RSU1: variants seen among roughly 807,000 people sequenced by gnomAD.
RSU1 encodes the protein Ras suppressor protein 1.
A neutral mutation model predicts 31.1 loss-of-function variants in RSU1; 26 were observed. That is an observed-to-expected ratio of 0.84 (90% CI 0.61 to 1.16). The LOEUF (loss-of-function observed/expected upper bound fraction) is 1.16, where lower values mean the gene tolerates loss of function less well. Ranked by LOEUF, RSU1 falls within the 50% of genes most tolerant of loss-of-function variation. The pLI is 0.00. For missense variants in RSU1, 320 were observed against 339.1 expected, an observed-to-expected ratio of 0.94 and a Z score of 0.44; for synonymous variants, 164 against 136.3, an observed-to-expected ratio of 1.20 and a Z score of -1.41.
intron 4 of RSU1, among the ~76,000 whole-genome samples, chr10:16,759,439 A>G (rs1362493386): frequency 6.6e-6 from 1 of 152,190 alleles, no homozygotes; most frequent in Non-Finnish European, 1.5e-5. Context: ...CCCAGGAGGC[A>G]TAGGTTGCAG....
chr10:16,593,266 AAG>A lies in RSU1; in HGVS notation c.*126_*127del, dbSNP rs1833542182. Reference sequence around the variant, plus strand: ...AAAAGGTAAGGTGGGAAGCATTAGAAAGAGAGTGAAAAGAAAAATAAAAAAGG... The same window carrying A: ...AAAAGGTAAGGTGGGAAGCATTAGAAAGAGTGAAAAGAAAAATAAAAAAGG... On this transcript the variant is annotated 3_prime_UTR_variant, in exon 9 of 9. Transcript: ENST00000345264. 5 of 1,476,344 alleles carry A rather than the reference AAG, an allele frequency of 3.4e-6. No homozygotes were observed. The South Asian group carries it at 4.2e-5, about 12-fold the overall frequency. 91.5% of individuals were successfully genotyped at this position (1,476,344 alleles called of 1,614,324 possible).
rs555076924 is a variant in RSU1, at chr10:16,655,929, T to TA, written c.731+39093dup. Among the ~76,000 whole-genome samples, 241 of 152,340 alleles carry TA rather than the reference T, an allele frequency of 1.6e-3. 1 individual carries two copies. Among genetic ancestry groups the TA allele is most frequent in the African/African-American group, 5.6e-3 (233 of 41,574 alleles). On this transcript the variant is annotated intron_variant, in intron 8 of 8. Coordinates refer to ENST00000345264, the MANE Select transcript of RSU1 (RefSeq NM_012425.4). Reference sequence around the variant, plus strand: ...TTACTGCTGTGTTCTGGAGCTGAGATATCTTTGAGGCCTGCCTGTAATTAT... The same window carrying TA: ...TTACTGCTGTGTTCTGGAGCTGAGATAATCTTTGAGGCCTGCCTGTAATTAT...
intron 8 of RSU1, among the ~76,000 whole-genome samples, chr10:16,617,294 C>T (rs1833994221): frequency 6.6e-6 from 1 of 152,160 alleles, no homozygotes; most frequent in Non-Finnish European, 1.5e-5. Flanking sequence ...TGAAGGAACT[C>T]TTCAAGGAGA....
chr10:16,721,327 G>A (rs1446807349), intron 7 of RSU1: 1 of 152,554 alleles, frequency 6.6e-6, no homozygotes, highest in Non-Finnish European at 1.5e-5. Flanking sequence ...CAGGGAAGCA[G>A]GGGAGATGAG....
At chr10:16,765,674 G>A (rs1253729698) in intron 3 of RSU1, among the ~76,000 whole-genome samples, 1 of 152,146 alleles carries the variant, frequency 6.6e-6, no homozygotes, top group Non-Finnish European at 1.5e-5. Flanking sequence ...TGATAAGCTT[G>A]GCCATGGTTC....
intron 8 of RSU1, among the ~76,000 whole-genome samples, chr10:16,631,084 C>A: frequency 6.6e-6 from 1 of 152,166 alleles, no homozygotes; most frequent in East Asian, 1.9e-4. Context: ...CAAACATCAA[C>A]ACATTTGGGT....
chr10:16,633,785 T>G (rs1229492782), intron 8 of RSU1, among the ~76,000 whole-genome samples: 1 of 151,938 alleles, frequency 6.6e-6, no homozygotes, highest in Non-Finnish European at 1.5e-5. Context: ...CTCCTCAGAG[T>G]CCCTTCCAAA....
At chr10:16,768,867 G>GGCCA (rs1375040017) in intron 3 of RSU1, among the ~76,000 whole-genome samples, 1 of 152,116 alleles carries the variant, frequency 6.6e-6, no homozygotes, top group Non-Finnish European at 1.5e-5. Flanking sequence ...ACTTCTCTTT[G>GGCCA]GCCAGAAGCA....
chr10:16,747,035 C>A (rs1220416420), intron 7 of RSU1, among the ~76,000 whole-genome samples: 1 of 152,100 alleles, frequency 6.6e-6, no homozygotes, highest in Non-Finnish European at 1.5e-5. Flanking sequence ...ATAAGAGAAC[C>A]CCTTTTTCCT....
At chr10:16,812,712 G>GA (rs1052387265) in intron 2 of RSU1, among the ~76,000 whole-genome samples, 2 of 151,486 alleles carry the variant, frequency 1.3e-5, no homozygotes, top group African/African-American at 2.4e-5. Flanking sequence ...GTCTAACTTG[G>GA]AAAAAAAATG....
At chr10:16,678,908 G>A (rs1288158791) in intron 8 of RSU1, among the ~76,000 whole-genome samples, 8 of 151,258 alleles carry the variant, frequency 5.3e-5, no homozygotes, top group African/African-American at 1.7e-4. Context: ...AAAAAGAGAA[G>A]GCAGACAAGT....
intron 2 of RSU1, among the ~76,000 whole-genome samples, chr10:16,802,342 C>G (rs544630796): frequency 6.6e-6 from 1 of 152,124 alleles, no homozygotes; most frequent in South Asian, 2.1e-4. Flanking sequence ...GGACCAACTG[C>G]TGGAAAGACA....
intron 7 of RSU1, among the ~76,000 whole-genome samples, chr10:16,719,924 A>G (rs1371255000): frequency 6.6e-6 from 1 of 152,264 alleles, no homozygotes; most frequent in Non-Finnish European, 1.5e-5. Flanking sequence ...ACTAGCCCAC[A>G]TGCTTTATGT....
chr10:16,700,402 C>A (rs1416663913), intron 7 of RSU1, among the ~76,000 whole-genome samples: 2 of 152,074 alleles, frequency 1.3e-5, no homozygotes, highest in Non-Finnish European at 2.9e-5. Context: ...TCTCCAAAAC[C>A]AAGCAATTGA....
intron 4 of RSU1, among the ~76,000 whole-genome samples, chr10:16,755,354 C>T (rs1443230630): frequency 6.6e-6 from 1 of 151,930 alleles, no homozygotes; most frequent in Non-Finnish European, 1.5e-5. Flanking sequence ...AACTCCTAAG[C>T]TCAAGCAATC....
intron 7 of RSU1, among the ~76,000 whole-genome samples, chr10:16,722,855 TATATACATATATGTATATATACACAC>T (rs1836297733): frequency 2.0e-5 from 1 of 50,680 alleles, no homozygotes; most frequent in African/African-American, 7.3e-5. Flanking sequence ...TATACACACA[TATATACATATATGTATATATACACAC>T]ATATACATAT....
At chr10:16,679,760 G>T (rs145350877) in intron 8 of RSU1, among the ~76,000 whole-genome samples, 84 of 151,956 alleles carry the variant, frequency 5.5e-4, no homozygotes, top group African/African-American at 1.9e-3. Flanking sequence ...CTCCCACGTG[G>T]CCCACCATCA....
At chr10:16,816,722 A>G (rs1838540490) in intron 2 of RSU1, among the ~76,000 whole-genome samples, 1 of 152,234 alleles carries the variant, frequency 6.6e-6, no homozygotes, top group Non-Finnish European at 1.5e-5. Context: ...CCTCAATGCC[A>G]TACAGCAGAG....
At chr10:16,697,523 G>A (rs1298885603) in intron 7 of RSU1, among the ~76,000 whole-genome samples, 1 of 152,048 alleles carries the variant, frequency 6.6e-6, no homozygotes, top group Non-Finnish European at 1.5e-5. Context: ...AATTAGCCAG[G>A]CACAGTGGTG....
Sources: allele counts gnomAD v4.1 joint callset (sites outside exome capture counted in the v4.1 genomes callset), GRCh38; gene constraint gnomAD v4.1.1; transcripts MANE v1.5; gene names NCBI Gene and HGNC (gene_info 2026-07-23, HGNC 2026-07-21).